Variants in ARHGAP24 observed in about 807,000 individuals in gnomAD.
ARHGAP24 encodes the protein rho GTPase-activating protein 24.
A neutral mutation model predicts 76.4 loss-of-function variants in ARHGAP24; 50 were observed. The ratio of observed to expected loss-of-function variants is 0.65; its 90% confidence interval spans 0.52 to 0.83. The LOEUF (loss-of-function observed/expected upper bound fraction) is 0.83, where lower values mean the gene tolerates loss of function less well. Ranked by LOEUF, ARHGAP24 falls within the 40% of genes least tolerant of loss-of-function variation. ARHGAP24 has a pLI of 0.00. For synonymous variants in ARHGAP24, 345 were observed against 323.3 expected, an observed-to-expected ratio of 1.07 and a Z score of -0.72; for missense variants, 930 against 914.2, an observed-to-expected ratio of 1.02 and a Z score of -0.22.
At chr4:85,985,381 A>G (rs1054639296) in intron 8 of ARHGAP24, among the ~76,000 whole-genome samples, 4 of 152,168 alleles carry the variant, frequency 2.6e-5, no homozygotes, top group Non-Finnish European at 5.9e-5. Context: ...TAACATAGGA[A>G]CAGAAAACCA....
chr4:85,681,961 G>A (rs1190616646), intron 2 of ARHGAP24, among the ~76,000 whole-genome samples: 2 of 152,136 alleles, frequency 1.3e-5, no homozygotes, highest in East Asian at 3.9e-4. Flanking sequence ...CTAGAATGTA[G>A]GTGCTACTAT....
chr4:85,795,414 A>G (rs1205234067), intron 3 of ARHGAP24, among the ~76,000 whole-genome samples: 1 of 152,106 alleles, frequency 6.6e-6, no homozygotes, highest in Non-Finnish European at 1.5e-5. Context: ...GTTTTTGTCA[A>G]TGGTTCTTTA....
rs543939545 is a variant in ARHGAP24 at position 85,678,465 on chromosome 4, T to A, written c.181-43420T>A. ...TTTTCGGTTCAATGCCCAAATTTGTTTTCATTTATAGTACTTTCAAAAAGA... is the reference window on the plus strand; with the variant it reads ...TTTTCGGTTCAATGCCCAAATTTGTATTCATTTATAGTACTTTCAAAAAGA... On this transcript the variant is annotated intron_variant, in intron 2 of 9. Transcript: ENST00000395184. 3.9e-5 allele frequency among the ~76,000 whole-genome samples: 6 copies of A among 152,338 alleles called. No individual in the cohort carries two copies. The South Asian group carries it at 1.2e-3, about 32-fold the overall frequency.
At chr4:85,823,003 G>T (rs1729546806) in intron 3 of ARHGAP24, among the ~76,000 whole-genome samples, 1 of 152,006 alleles carries the variant, frequency 6.6e-6, no homozygotes, top group Non-Finnish European at 1.5e-5. Flanking sequence ...TTTTCACTTG[G>T]CAGTGATTAT....
At chr4:85,505,243 A>T (rs1311735683) in intron 1 of ARHGAP24, among the ~76,000 whole-genome samples, 3 of 151,962 alleles carry the variant, frequency 2.0e-5, no homozygotes, top group African/African-American at 7.3e-5. Context: ...TGTTCTCTGT[A>T]TTTCCTGAAT....
intron 2 of ARHGAP24, among the ~76,000 whole-genome samples, chr4:85,670,498 A>G (rs976971987): frequency 6.6e-6 from 1 of 152,180 alleles, no homozygotes; most frequent in Non-Finnish European, 1.5e-5. Context: ...AATCCAATCA[A>G]CTGAACAGTT....
chr4:85,907,084 T>C (rs905961772), intron 3 of ARHGAP24, among the ~76,000 whole-genome samples: 1 of 152,198 alleles, frequency 6.6e-6, no homozygotes, highest in Non-Finnish European at 1.5e-5. Context: ...TCTTGCTTGC[T>C]CAGACATCTA....
chr4:85,959,229 T>C (rs1738103155), intron 5 of ARHGAP24, among the ~76,000 whole-genome samples: 1 of 152,192 alleles, frequency 6.6e-6, no homozygotes, highest in African/African-American at 2.4e-5. Context: ...TGCCATGGCA[T>C]CTGTAAACTG....
intron 2 of ARHGAP24, among the ~76,000 whole-genome samples, chr4:85,620,916 C>A (rs957949633): frequency 6.6e-6 from 1 of 152,026 alleles, no homozygotes; most frequent in East Asian, 1.9e-4. Context: ...AGTTTTTCAA[C>A]CCTTTCCCTG....
intron 3 of ARHGAP24, among the ~76,000 whole-genome samples, chr4:85,878,419 C>T (rs1733055708): frequency 6.6e-6 from 1 of 152,068 alleles, no homozygotes; most frequent in African/African-American, 2.4e-5. Context: ...AATGTCTAGC[C>T]AGCCAATTTT....
intron 3 of ARHGAP24, among the ~76,000 whole-genome samples, chr4:85,855,661 C>T (rs542522845): frequency 6.6e-6 from 1 of 151,650 alleles, no homozygotes; most frequent in Non-Finnish European, 1.5e-5. Context: ...TGTGGTAATC[C>T]CAGCTACTCG....
chr4:85,914,077 A>T (rs566414768), intron 3 of ARHGAP24, among the ~76,000 whole-genome samples: 41 of 152,364 alleles, frequency 2.7e-4, no homozygotes, highest in African/African-American at 9.9e-4. Context: ...AGACTCAGTC[A>T]TCTCAACATG....
intron 1 of ARHGAP24, among the ~76,000 whole-genome samples, chr4:85,491,784 ATTGAAT>A (rs1196539115): frequency 1.3e-5 from 2 of 152,162 alleles, no homozygotes; most frequent in Non-Finnish European, 2.9e-5. Context: ...GTGCTATCTC[ATTGAAT>A]TAGCCTCAAG....
chr4:85,938,950 A>G (rs978225671), intron 4 of ARHGAP24, among the ~76,000 whole-genome samples: 1 of 152,074 alleles, frequency 6.6e-6, no homozygotes, highest in Non-Finnish European at 1.5e-5. Context: ...GTCTTCCTCC[A>G]TTGCTGTTTT....
chr4:85,656,855 T>C (rs888532605), intron 2 of ARHGAP24, among the ~76,000 whole-genome samples: 5 of 152,122 alleles, frequency 3.3e-5, no homozygotes, highest in African/African-American at 9.7e-5. Flanking sequence ...ATGGCTATCA[T>C]ATGGGTCACA....
chr4:85,738,980 G>A (rs1381319678), intron 3 of ARHGAP24, among the ~76,000 whole-genome samples: 3 of 152,172 alleles, frequency 2.0e-5, no homozygotes, highest in Non-Finnish European at 4.4e-5. Flanking sequence ...GTCTATTTTA[G>A]CTGGAGGGAG....
intron 3 of ARHGAP24, among the ~76,000 whole-genome samples, chr4:85,764,600 A>C (rs1356970700): frequency 6.6e-6 from 1 of 152,048 alleles, no homozygotes; most frequent in East Asian, 1.9e-4. Context: ...CAGGAGGTCC[A>C]TTCCTCCCCT....
At chr4:85,633,399 A>G (rs934230368) in intron 2 of ARHGAP24, among the ~76,000 whole-genome samples, 4 of 151,858 alleles carry the variant, frequency 2.6e-5, no homozygotes, top group African/African-American at 9.7e-5. Context: ...TTTCTCATCA[A>G]GTATTTATGT....
At chr4:85,672,793 C>G (rs538723207) in intron 2 of ARHGAP24, among the ~76,000 whole-genome samples, 1 of 152,308 alleles carries the variant, frequency 6.6e-6, no homozygotes, top group Admixed American at 6.5e-5. Flanking sequence ...ATGGGAAATG[C>G]TGAATTCTTG....
Sources: gnomAD v4.1 joint callset for allele counts (sites outside exome capture counted in the v4.1 genomes callset) on GRCh38, gnomAD v4.1.1 for gene constraint, MANE v1.5 for transcripts, NCBI Gene and HGNC (gene_info 2026-07-23, HGNC 2026-07-21) for gene names.